Variants in RHOT1 observed in about 807,000 individuals in gnomAD.
RHOT1 encodes ras homolog family member T1.
Under a neutral mutation model 95.3 loss-of-function variants are expected in RHOT1, and 27 were observed. The observed-to-expected ratio is 0.28, with a 90% confidence interval of 0.21 to 0.39. The LOEUF (loss-of-function observed/expected upper bound fraction) is 0.39. Among genes scored for constraint, RHOT1 ranks in the 10% least tolerant of loss-of-function variants. The pLI, the probability that RHOT1 is intolerant of heterozygous loss-of-function variation, is 1.00. For missense variants in RHOT1, 578 were observed against 786.7 expected (o/e 0.73, Z 3.17); for synonymous variants, 227 against 263.5 (o/e 0.86, Z 1.34).
chr17:32,185,815 G>A (rs1373814769), intron 8 of RHOT1, among the ~76,000 whole-genome samples: 2 of 150,376 alleles, frequency 1.3e-5, no homozygotes, highest in Non-Finnish European at 3.0e-5. Flanking sequence ...CAAACTCCAA[G>A]GCTCAGGCCA....
intron 1 of RHOT1, among the ~76,000 whole-genome samples, chr17:32,161,838 C>T (rs1021105265): frequency 2.0e-5 from 3 of 152,186 alleles, no homozygotes; most frequent in Non-Finnish European, 2.9e-5. Flanking sequence ...CTACTACCCC[C>T]TCAGACTAGA....
At chr17:32,150,597 C>A in intron 1 of RHOT1, 2 of 1,587,864 alleles carry the variant, frequency 1.3e-6, no homozygotes, top group Non-Finnish European at 1.7e-6. Flanking sequence ...GTCCTCCTAC[C>A]TGGTACTTTG....
rs149208196 is a variant in RHOT1 at position 32,175,461 on chromosome 17, G to GT, written c.222+107dup. The GT allele has an allele frequency of 7.2e-4, 877 of 1,218,500 alleles. 6 individuals are homozygous for GT. In the East Asian group the frequency reaches 0.014, roughly 19 times the overall value. The allele number at this position is 1,218,500 out of a possible 1,614,324, so 75.5% of individuals were successfully genotyped here. A position where few individuals can be genotyped will look rare whatever the true frequency, so the allele number is the denominator to read the frequency against. The stretch of plus-strand genomic sequence containing the variant: ...ATTCTCTTTGTTTGTTGGTTTTTGT[G>GT]TTTTTTTTGGGACCGTGTTTCACTC... On this transcript the variant is annotated intron_variant, in intron 4 of 19. Transcript: ENST00000545287.
chr17:32,192,431 A>G (rs2036559833), intron 9 of RHOT1, 132 bp downstream of exon 9: 6 of 633,448 alleles, frequency 9.5e-6, no homozygotes, highest in African/African-American at 3.8e-5. Context: ...TCATAAAACT[A>G]TCTTTCACAT....
chr17:32,194,625 A>G (rs570071940), intron 11 of RHOT1, among the ~76,000 whole-genome samples: 2 of 152,228 alleles, frequency 1.3e-5, no homozygotes, highest in African/African-American at 2.4e-5. Context: ...GACTACAAGT[A>G]TCTTTTTTTG....
intron 1 of RHOT1, among the ~76,000 whole-genome samples, chr17:32,161,414 A>G (rs1033618150): frequency 1.3e-5 from 2 of 152,248 alleles, no homozygotes; most frequent in South Asian, 2.1e-4. Context: ...TCGTGATGTT[A>G]TCACAGGAGT....
rs1726007634 is a variant in RHOT1 at position 32,204,013 on chromosome 17, G to A, written c.1416+40G>A. On this transcript the variant is annotated intron_variant, in intron 16 of 19. Transcript: ENST00000545287. ...GGCATACAAAAATTACTAATTATTG[G>A]GTACATTTTTAAATGACTCTTTGAA... 2.2e-6 allele frequency: 3 copies of A among 1,370,812 alleles called. No homozygotes were observed. In the East Asian group the frequency reaches 6.9e-5, roughly 32 times the overall value. The allele number at this position is 1,370,812 out of a possible 1,614,324, so 84.9% of individuals were successfully genotyped here.
intron 4 of RHOT1, among the ~76,000 whole-genome samples, chr17:32,175,666 G>A (rs999111941): frequency 1.3e-5 from 2 of 152,092 alleles, no homozygotes; most frequent in African/African-American, 4.8e-5. Flanking sequence ...ATGTTAACCA[G>A]GCTAGTCTCA....
intron 6 of RHOT1, among the ~76,000 whole-genome samples, chr17:32,176,783 C>G (rs2035045749): frequency 6.6e-6 from 1 of 151,994 alleles, no homozygotes; most frequent in Admixed American, 6.6e-5. Context: ...GTTGGTCAGT[C>G]TGGTCTCGAA....
rs2036328179 is a variant in RHOT1 at position 32,189,715 on chromosome 17, CAAT to C, written c.541-2484_541-2482del. Among the ~76,000 whole-genome samples, 3 of 150,816 alleles carry C rather than the reference CAAT, an allele frequency of 2.0e-5. 1 individual carries two copies. The highest frequency in any genetic ancestry group is 4.2e-4 in the South Asian group (2 of 4,788). On this transcript the variant is annotated intron_variant, in intron 8 of 19. Coordinates refer to ENST00000545287, the MANE Select transcript of RHOT1 (RefSeq NM_001033566.3). ...ACGGAATCTTTTATTTAGACAACAA[CAAT>C]ATCTTTTCTTTTCTTTTCTTTTTTT...
chr17:32,168,968 G>C (rs2034342758), intron 1 of RHOT1, among the ~76,000 whole-genome samples: 1 of 152,128 alleles, frequency 6.6e-6, no homozygotes, highest in African/African-American at 2.4e-5. Flanking sequence ...AGTGAAATGT[G>C]ACCTGTGGTC....
chr17:32,217,445 A>G (rs1359523171), intron 19 of RHOT1, among the ~76,000 whole-genome samples: 1 of 152,184 alleles, frequency 6.6e-6, no homozygotes, highest in Admixed American at 6.5e-5. Context: ...CAGTAGTGGC[A>G]TTATTTTTAA....
At chr17:32,178,604 C>T (rs1034981103) in intron 6 of RHOT1, among the ~76,000 whole-genome samples, 2 of 151,846 alleles carry the variant, frequency 1.3e-5, no homozygotes, top group African/African-American at 2.4e-5. Flanking sequence ...CCTCTGCCCG[C>T]CCGCCACCCC....
intron 19 of RHOT1, among the ~76,000 whole-genome samples, chr17:32,216,735 T>A (rs556287681): frequency 1.3e-5 from 2 of 152,280 alleles, no homozygotes; most frequent in Non-Finnish European, 2.9e-5. Flanking sequence ...ATTTTATTAT[T>A]GTCAGACAAA....
chr17:32,196,948 C>A (rs2036932480), intron 11 of RHOT1, among the ~76,000 whole-genome samples: 1 of 151,902 alleles, frequency 6.6e-6, no homozygotes, highest in Non-Finnish European at 1.5e-5. Flanking sequence ...ATGGCGAAAA[C>A]CCATCTCTAC....
chr17:32,218,867 G>T lies in RHOT1; in HGVS notation c.1863-5749G>T, dbSNP rs117291828. On this transcript the variant is annotated intron_variant, in intron 19 of 19. Transcript: ENST00000545287. The stretch of plus-strand genomic sequence containing the variant: ...AATTTACTGTAGTTTGGTGACCTCA[G>T]TATAGTTTTCAACTTGAGATACGTA... Among the ~76,000 whole-genome samples the T allele has an allele frequency of 1.3e-3, 194 of 152,286 alleles. 1 individual carries two copies. Among genetic ancestry groups the T allele is most frequent in the East Asian group, 0.012 (60 of 5,182 alleles).
intron 1 of RHOT1, among the ~76,000 whole-genome samples, chr17:32,169,473 C>T (rs1239149830): frequency 6.6e-6 from 1 of 152,160 alleles, no homozygotes; most frequent in Non-Finnish European, 1.5e-5. Context: ...AGGAGACTTT[C>T]TTTGCTTTTA....
At chr17:32,155,226 C>G (rs1055827104) in intron 1 of RHOT1, among the ~76,000 whole-genome samples, 1 of 152,060 alleles carries the variant, frequency 6.6e-6, no homozygotes, top group Non-Finnish European at 1.5e-5. Context: ...GTGGCGCGAT[C>G]TCGGCTCACT....
intron 1 of RHOT1, among the ~76,000 whole-genome samples, chr17:32,170,050 G>A (rs1339413295): frequency 6.6e-6 from 1 of 151,850 alleles, no homozygotes; most frequent in Non-Finnish European, 1.5e-5. Context: ...CCATTCCAAT[G>A]TTCCTTGTTA....
Sources: gnomAD v4.1 joint callset for allele counts (sites outside exome capture counted in the v4.1 genomes callset) on GRCh38, gnomAD v4.1.1 for gene constraint, MANE v1.5 for transcripts, NCBI Gene and HGNC (gene_info 2026-07-23, HGNC 2026-07-21) for gene names.